The following SPTBN1 variants were observed in gnomAD, a reference collection of about 807,000 sequenced individuals.
The protein encoded by SPTBN1 is spectrin beta, non-erythrocytic 1.
SPTBN1 carries 32 observed loss-of-function variants against 266.4 expected under a neutral mutation model. That is an observed-to-expected ratio of 0.12 (90% CI 0.09 to 0.16). SPTBN1 has a LOEUF of 0.16. Among genes scored for constraint, SPTBN1 ranks in the 10% least tolerant of loss-of-function variants. The pLI is 1.00. For missense variants in SPTBN1, 2,296 were observed against 3,067.1 expected, an observed-to-expected ratio of 0.75 and a Z score of 5.94; for synonymous variants, 1,336 against 1,162.2, an observed-to-expected ratio of 1.15 and a Z score of -3.04.
rs749932412 is a variant in SPTBN1 at position 54,632,698 on chromosome 2, C to T, written c.3697C>T (p.Arg1233Trp). 1.4e-5 allele frequency: 23 copies of T among 1,614,016 alleles called. No individual in the cohort carries two copies. The highest frequency in any genetic ancestry group is 3.3e-4 in the Middle Eastern group (2 of 6,084). ...GATCAATGCTGTGGTGGAGACTGGCCGGAGGCTGGTGAGCGATGGGAACAT... is the reference window on the plus strand; with the variant it reads ...GATCAATGCTGTGGTGGAGACTGGCTGGAGGCTGGTGAGCGATGGGAACAT... The part of the protein sequence containing the change: ...EKINAVVETG[R>W]RLVSDGNINS... Residue 1233 changes from arginine to tryptophan, a missense_variant, in exon 17 of 36, where the codon CGG becomes TGG. Arg to Trp is a moderately radical substitution (Grantham distance 101, BLOSUM62 -3). Around this residue, in one of 12 missense-constraint regions of SPTBN1, gnomAD observed 386 missense variants for 486.1 expected, o/e 0.79. Coordinates refer to ENST00000356805, the MANE Select transcript of SPTBN1 (RefSeq NM_003128.3).
chr2:54,624,967 T>C lies in SPTBN1; in HGVS notation c.1341+5T>C. On this transcript the variant is annotated splice_donor_5th_base_variant and intron_variant, in intron 11 of 35. Coordinates refer to ENST00000356805, the MANE Select transcript of SPTBN1 (RefSeq NM_003128.3). ...AACCAGCGTCTGGTGTCTCAGGTTC[T>C]GCTCTTGACATTATTAAAAAGACTG... 5 of 1,580,756 alleles carry C rather than the reference T, an allele frequency of 3.2e-6. No individual in the cohort carries two copies. The highest frequency in any genetic ancestry group is 4.3e-6 in the Non-Finnish European group (5 of 1,165,906).
At position 54,629,098 on chromosome 2, in the gene SPTBN1, G is replaced by A. The variant is rs780467374; in HGVS notation, c.1964G>A (p.Arg655Gln). The A allele has an allele frequency of 8.1e-6, 13 of 1,613,590 alleles. No homozygotes were observed. The highest frequency in any genetic ancestry group is 2.7e-5 in the African/African-American group (2 of 74,942). Residue 655 changes from arginine to glutamine, a missense_variant, in exon 14 of 36, where the codon CGG becomes CAG. This residue lies in a region of SPTBN1 where 434 missense variants were observed against 573.9 expected (regional missense o/e 0.76). Transcript: ENST00000356805. ...WEMAEEEGWI[R>Q]EKEKILSSDD... ...ATGGCAGAAGAGGAAGGCTGGATAC[G>A]GGAGAAGGAGAAGATCCTGTCCTCG...
chr2:54,507,419 TG>T (rs1669632928), intron 1 of SPTBN1, among the ~76,000 whole-genome samples: 2 of 152,142 alleles, frequency 1.3e-5, no homozygotes, highest in South Asian at 4.1e-4. Flanking sequence ...TGAGCAGGAC[TG>T]GGGCAACATG....
chr2:54,611,487 T>TTTTG (rs1235038930), intron 3 of SPTBN1, among the ~76,000 whole-genome samples: 1 of 152,304 alleles, frequency 6.6e-6, no homozygotes, highest in South Asian at 2.1e-4. Context: ...TATATATATT[T>TTTTG]TTTGTTTGTT....
intron 1 of SPTBN1, among the ~76,000 whole-genome samples, chr2:54,475,343 A>G (rs1017486233): frequency 1.3e-5 from 2 of 152,218 alleles, no homozygotes; most frequent in Non-Finnish European, 2.9e-5. Context: ...ATACTTCCAC[A>G]TTCTTACAGA....
chr2:54,543,090 T>C (rs1441197547), intron 2 of SPTBN1, among the ~76,000 whole-genome samples: 2 of 152,180 alleles, frequency 1.3e-5, no homozygotes, highest in African/African-American at 4.8e-5. Context: ...TGGATTCAGC[T>C]ATCCAGGACT....
intron 2 of SPTBN1, 124 bp from the exon 3 acceptor site, chr2:54,598,968 G>A (rs1417270529): frequency 1.8e-5 from 18 of 981,274 alleles, no homozygotes; most frequent in Non-Finnish European, 2.8e-5. Flanking sequence ...GCGCTAAGTA[G>A]AGGTGTCCTT....
chr2:54,563,132 A>G (rs773344955), intron 2 of SPTBN1, among the ~76,000 whole-genome samples: 30 of 152,120 alleles, frequency 2.0e-4, no homozygotes, highest in Non-Finnish European at 4.4e-4. Flanking sequence ...AGACTTCTAG[A>G]TGTTCATATT....
chr2:54,595,467 G>A lies in SPTBN1; in HGVS notation c.149-3625G>A, dbSNP rs868716516. ...TTCTTGGGGAGGACTTGATAACAGCGATACAAGGCCCAGAAAAGGTAAACG... is the reference window on the plus strand; with the variant it reads ...TTCTTGGGGAGGACTTGATAACAGCAATACAAGGCCCAGAAAAGGTAAACG... On this transcript the variant is annotated intron_variant, in intron 2 of 35. Transcript: ENST00000356805. Among the ~76,000 whole-genome samples, 5 of 152,210 alleles carry A rather than the reference G, an allele frequency of 3.3e-5. 1 individual carries two copies. Among genetic ancestry groups the A allele is most frequent in the East Asian group, 1.9e-4 (1 of 5,188 alleles).
intron 1 of SPTBN1, among the ~76,000 whole-genome samples, chr2:54,485,686 T>C (rs1319749676): frequency 1.4e-5 from 2 of 141,796 alleles, no homozygotes; most frequent in East Asian, 4.4e-4. Flanking sequence ...TCTGCCTGGC[T>C]GCCCAGTCTG....
At chr2:54,464,981 C>T (rs971375270) in intron 1 of SPTBN1, among the ~76,000 whole-genome samples, 6 of 152,086 alleles carry the variant, frequency 3.9e-5, no homozygotes, top group Non-Finnish European at 8.8e-5. Flanking sequence ...TGTGAGCCAC[C>T]GTGCCCAGCC....
intron 2 of SPTBN1, among the ~76,000 whole-genome samples, chr2:54,544,555 T>G (rs148107706): frequency 1.1e-4 from 16 of 152,250 alleles, no homozygotes; most frequent in African/African-American, 3.9e-4. Flanking sequence ...GTCTGTTTGT[T>G]TCTGACTGTC....
chr2:54,595,893 G>A (rs1210401122), intron 2 of SPTBN1, among the ~76,000 whole-genome samples: 1 of 152,190 alleles, frequency 6.6e-6, no homozygotes, highest in African/African-American at 2.4e-5. Flanking sequence ...AACACTGTAT[G>A]TAGACATTGC....
chr2:54,632,825 G>A (rs1678847332), intron 17 of SPTBN1, 57 bp downstream of exon 17: 1 of 1,581,138 alleles, frequency 6.3e-7, no homozygotes, highest in Non-Finnish European at 8.6e-7. Flanking sequence ...TCAAACTTCT[G>A]AATCATTGGC....
At chr2:54,612,009 G>A (rs1004330412) in intron 3 of SPTBN1, 152 bp from the exon 4 acceptor site, 16 of 678,036 alleles carry the variant, frequency 2.4e-5, no homozygotes, top group Admixed American at 3.1e-5. Flanking sequence ...GGTAAATACC[G>A]TCCTTGGACT....
At chr2:54,461,232 C>A (rs571837317) in intron 1 of SPTBN1, among the ~76,000 whole-genome samples, 1 of 152,312 alleles carries the variant, frequency 6.6e-6, no homozygotes, top group East Asian at 1.9e-4. Context: ...TCTTCTGACT[C>A]ACATATTTAG....
intron 2 of SPTBN1, chr2:54,526,791 T>A: frequency 2.5e-6 from 1 of 404,024 alleles, no homozygotes; most frequent in Non-Finnish European, 4.3e-6. Flanking sequence ...GAGTGTTATT[T>A]ATAGCAATTC....
At chr2:54,499,492 G>A (rs1412865182) in intron 1 of SPTBN1, among the ~76,000 whole-genome samples, 2 of 152,216 alleles carry the variant, frequency 1.3e-5, no homozygotes, top group African/African-American at 4.8e-5. Context: ...TTTGCGTGTT[G>A]ATTTGCTTTC....
intron 1 of SPTBN1, among the ~76,000 whole-genome samples, chr2:54,476,972 TA>T: frequency 6.6e-6 from 1 of 151,852 alleles, no homozygotes; most frequent in Non-Finnish European, 1.5e-5. Flanking sequence ...TTAGTGGTTA[TA>T]AAAAAATTAA....
Sources: allele counts gnomAD v4.1 joint callset (sites outside exome capture counted in the v4.1 genomes callset), GRCh38; gene constraint gnomAD v4.1.1; regional missense constraint gnomAD v4.1.1; transcripts MANE v1.5; gene names NCBI Gene and HGNC (gene_info 2026-07-23, HGNC 2026-07-21).